MROH9: variants seen among roughly 807,000 people sequenced by gnomAD.
The protein encoded by MROH9 is maestro heat like repeat family member 9, also known as maestro heat-like repeat-containing protein family member 9.
Under a neutral mutation model 98.2 loss-of-function variants are expected in MROH9, and 92 were observed. The observed-to-expected ratio is 0.94, with a 90% CI of 0.79 to 1.11. MROH9 has a LOEUF of 1.11. Ranked by LOEUF, MROH9 falls within the 50% of genes most tolerant of loss-of-function variation. The pLI, the probability that MROH9 is intolerant of heterozygous loss-of-function variation, is 0.00. For missense variants in MROH9, 1,057 were observed against 1,014.8 expected, an observed-to-expected ratio of 1.04 and a Z score of -0.57; for synonymous variants, 397 against 368.9, an observed-to-expected ratio of 1.08 and a Z score of -0.87.
chr1:170,946,728 G>C (rs903332574), intron 2 of MROH9, among the ~76,000 whole-genome samples: 3 of 151,638 alleles, frequency 2.0e-5, no homozygotes, highest in African/African-American at 7.3e-5. Context: ...TAAAATAGAA[G>C]ACATAAAATA....
chr1:171,045,907 A>T (rs1653457609), intron 20 of MROH9, among the ~76,000 whole-genome samples: 1 of 152,174 alleles, frequency 6.6e-6, no homozygotes, highest in Non-Finnish European at 1.5e-5. Flanking sequence ...GTCTCCAGTT[A>T]TTATTATATT....
intron 3 of MROH9, among the ~76,000 whole-genome samples, chr1:170,953,921 G>T (rs28638004): frequency 6.6e-6 from 1 of 151,018 alleles, no homozygotes; most frequent in East Asian, 1.9e-4. Flanking sequence ...AAGAAACACC[G>T]TGAAAAGAGT....
chr1:171,030,441 C>T (rs576882202), intron 20 of MROH9, among the ~76,000 whole-genome samples: 6 of 152,242 alleles, frequency 3.9e-5, no homozygotes, highest in Middle Eastern at 3.4e-3. Flanking sequence ...ATAAATTTCC[C>T]TCTTAACACT....
intron 17 of MROH9, among the ~76,000 whole-genome samples, chr1:171,017,349 G>A (rs1393729457): frequency 6.6e-6 from 1 of 152,194 alleles, no homozygotes; most frequent in Non-Finnish European, 1.5e-5. Flanking sequence ...CACGGGCCAG[G>A]GGAGCCCCCA....
chr1:170,967,865 T>C (rs1219400182), intron 7 of MROH9, among the ~76,000 whole-genome samples: 2 of 152,194 alleles, frequency 1.3e-5, no homozygotes, highest in African/African-American at 4.8e-5. Context: ...CTTTGGCACA[T>C]CAGCATTTAA....
chr1:171,019,423 G>A (rs1434591652), intron 17 of MROH9, among the ~76,000 whole-genome samples: 1 of 152,134 alleles, frequency 6.6e-6, no homozygotes, highest in Non-Finnish European at 1.5e-5. Context: ...GAAGGCTGAG[G>A]TGGGTGGATC....
chr1:171,014,305 G>T (rs1029209960), intron 16 of MROH9, 51 bp downstream of exon 16: 1 of 1,496,560 alleles, frequency 6.7e-7, no homozygotes, highest in Non-Finnish European at 9.0e-7. Context: ...CATAATCTGA[G>T]ATTTTGATGT....
At chr1:171,007,390 T>C (rs900811917) in intron 15 of MROH9, among the ~76,000 whole-genome samples, 1 of 152,172 alleles carries the variant, frequency 6.6e-6, no homozygotes, top group African/African-American at 2.4e-5. Flanking sequence ...TAGCTCCTTT[T>C]GGGTCTGTGA....
rs146856934 is a variant in MROH9, at chr1:170,971,470, C to T, written c.481-278C>T. 2.5e-3 allele frequency among the ~76,000 whole-genome samples: 383 copies of T among 152,256 alleles called. 2 individuals carry two copies. Among genetic ancestry groups the T allele is most frequent in the African/African-American group, 8.5e-3 (353 of 41,550 alleles). The stretch of plus-strand genomic sequence containing the variant: ...ATAGAAACTAACATTAGTTGAGTCA[C>T]CATTATGTCCAAGTACTTTCCTAGG... On this transcript the variant is annotated intron_variant, in intron 7 of 21. Transcript: ENST00000367759.
intron 7 of MROH9, 85 bp downstream of exon 7, chr1:170,965,340 T>C (rs1198197629): frequency 1.0e-5 from 9 of 894,596 alleles, no homozygotes; most frequent in Non-Finnish European, 1.6e-5. Flanking sequence ...GTCCTAACAG[T>C]ACTTGACAGG....
At chr1:170,968,181 A>G (rs186735628) in intron 7 of MROH9, among the ~76,000 whole-genome samples, 11 of 152,276 alleles carry the variant, frequency 7.2e-5, no homozygotes, top group African/African-American at 2.6e-4. Flanking sequence ...GAGTTATGAA[A>G]GGCCAAATAA....
At chr1:170,996,392 C>T in intron 13 of MROH9, 115 bp from the exon 14 acceptor site, 1 of 1,111,110 alleles carries the variant, frequency 9.0e-7, no homozygotes, top group Non-Finnish European at 1.3e-6. Context: ...ATTGAGACAT[C>T]CCCTTTCTCA....
intron 7 of MROH9, among the ~76,000 whole-genome samples, chr1:170,971,380 C>T: frequency 6.6e-6 from 1 of 152,190 alleles, no homozygotes; most frequent in South Asian, 2.1e-4. Flanking sequence ...TGGAAATACA[C>T]AGCCCACCTT....
At chr1:170,994,929 T>G (rs899093657) in intron 12 of MROH9, among the ~76,000 whole-genome samples, 2 of 131,724 alleles carry the variant, frequency 1.5e-5, no homozygotes, top group African/African-American at 5.2e-5. Flanking sequence ...GACCCATATT[T>G]CTGATGTGGT....
At chr1:170,974,870 T>C (rs1400322197) in intron 8 of MROH9, among the ~76,000 whole-genome samples, 1 of 152,010 alleles carries the variant, frequency 6.6e-6, no homozygotes, top group African/African-American at 2.4e-5. Flanking sequence ...GGGAAAAATG[T>C]ATAAATGTGT....
intron 17 of MROH9, among the ~76,000 whole-genome samples, chr1:171,023,785 T>C (rs1039952707): frequency 1.1e-5 from 1 of 87,616 alleles, no homozygotes; most frequent in Admixed American, 1.4e-4. Context: ...ATCTCTGCAG[T>C]TTTTAAGTAT....
chr1:170,942,133 G>A (rs573051297), intron 1 of MROH9, among the ~76,000 whole-genome samples: 1 of 152,024 alleles, frequency 6.6e-6, no homozygotes, highest in Non-Finnish European at 1.5e-5. Flanking sequence ...CAGGTTCCCT[G>A]GATTTCTGCT....
chr1:170,980,338 A>G (rs1207691130), intron 8 of MROH9, among the ~76,000 whole-genome samples: 2 of 152,208 alleles, frequency 1.3e-5, no homozygotes, highest in African/African-American at 4.8e-5. Context: ...ACTTCAAACT[A>G]TACTACAAGG....
chr1:170,998,909 A>G (rs1651687712), intron 15 of MROH9: 2 of 238,548 alleles, frequency 8.4e-6, no homozygotes, highest in Admixed American at 6.5e-5. Flanking sequence ...TTCAAACACC[A>G]TAGGAAAACG....
Sources: allele counts gnomAD v4.1 joint callset (sites outside exome capture counted in the v4.1 genomes callset), GRCh38; gene constraint gnomAD v4.1.1; transcripts MANE v1.5; gene names NCBI Gene and HGNC (gene_info 2026-07-23, HGNC 2026-07-21).